Variants in BICD1 observed in about 807,000 individuals in gnomAD.
The protein encoded by BICD1 is BICD cargo adaptor 1.
Under a neutral mutation model 92.5 loss-of-function variants are expected in BICD1, and 35 were observed. That is an observed-to-expected ratio of 0.38 (90% CI 0.29 to 0.50). The LOEUF is 0.50. Among genes scored for constraint, BICD1 ranks in the 20% least tolerant of loss-of-function variants. The pLI, the probability that BICD1 is intolerant of heterozygous loss-of-function variation, is 0.93. For synonymous variants in BICD1, 429 were observed against 465.1 expected, an observed-to-expected ratio of 0.92 and a Z score of 1.00; for missense variants, 950 against 1,189.8, an observed-to-expected ratio of 0.80 and a Z score of 2.97.
intron 2 of BICD1, among the ~76,000 whole-genome samples, chr12:32,218,715 T>C (rs1565595216): frequency 6.6e-6 from 1 of 152,228 alleles, no homozygotes; most frequent in Admixed American, 6.5e-5. Flanking sequence ...TTTATTCAGA[T>C]TTGTCAGGTA....
chr12:32,235,042 A>G (rs1946022306), intron 2 of BICD1, among the ~76,000 whole-genome samples: 1 of 152,178 alleles, frequency 6.6e-6, no homozygotes, highest in South Asian at 2.1e-4. Context: ...ACAGTAGATT[A>G]TAGACATCTA....
chr12:32,216,550 A>C, intron 2 of BICD1, 91 bp downstream of exon 2: 9 of 1,392,754 alleles, frequency 6.5e-6, no homozygotes, highest in Non-Finnish European at 8.8e-6. Flanking sequence ...TTTTGTTTTA[A>C]TCAGAGGAGC....
chr12:32,124,217 C>T (rs1684121), intron 1 of BICD1, among the ~76,000 whole-genome samples: 43,787 of 152,058 alleles, frequency 0.29, 6,547 homozygotes, highest in Admixed American at 0.43. Flanking sequence ...TAGAGAGCAT[C>T]ATCTATATGC....
At chr12:32,298,686 C>CA (rs913352198) in intron 3 of BICD1, among the ~76,000 whole-genome samples, 4 of 149,524 alleles carry the variant, frequency 2.7e-5, no homozygotes, top group African/African-American at 9.9e-5. Context: ...GCCTGACCAA[C>CA]ATAGAGAAAC....
Position 32,337,490 on chromosome 12 carries a change from T to A in BICD1, c.2253-9T>A. On this transcript the variant is annotated splice_polypyrimidine_tract_variant and intron_variant, in intron 6 of 9. Transcript: ENST00000652176. This position sits in a 1 kb window ranked among gnomAD's most constrained non-coding sequence, Gnocchi z 4.7. ...TTTTCCTCTGACCACTTCTCTGTTT[T>A]GGTTCCAGATGTGATGAATATGTCA... 6.3e-7 allele frequency: 1 copy of A among 1,596,674 alleles called. No individual in the cohort carries two copies.
rs373328566 is a variant in BICD1, at chr12:32,211,747, A to T, written c.214-4500A>T. Among the ~76,000 whole-genome samples, 265 of 150,844 alleles carry T rather than the reference A, an allele frequency of 1.8e-3. 2 individuals carry two copies. Among genetic ancestry groups the T allele is most frequent in the African/African-American group, 5.8e-3 (240 of 41,064 alleles). On this transcript the variant is annotated intron_variant, in intron 1 of 9. Transcript: ENST00000652176. ...AGCTGGGGTTCTTGACACACAGTTC[A>T]TGCTAATTTTAAATTGTACTAATAC...
At chr12:32,319,409 T>C (rs1367963721) in intron 4 of BICD1, among the ~76,000 whole-genome samples, 1 of 152,222 alleles carries the variant, frequency 6.6e-6, no homozygotes, top group Non-Finnish European at 1.5e-5. Context: ...GACTCTTGAA[T>C]GTTAAATCAA....
chr12:32,280,828 A>G (rs1003665262), intron 2 of BICD1, among the ~76,000 whole-genome samples: 1 of 152,194 alleles, frequency 6.6e-6, no homozygotes, highest in African/African-American at 2.4e-5. Context: ...CATTATTTAA[A>G]TCTGATGTTC....
intron 1 of BICD1, among the ~76,000 whole-genome samples, chr12:32,162,727 A>C (rs898615747): frequency 6.6e-6 from 1 of 152,200 alleles, no homozygotes; most frequent in Non-Finnish European, 1.5e-5. Flanking sequence ...TCATGCCTGT[A>C]AACCCAGCAT....
chr12:32,238,757 T>C lies in BICD1; in HGVS notation c.426+22298T>C, dbSNP rs530467712. On this transcript the variant is annotated intron_variant, in intron 2 of 9. Transcript: ENST00000652176. The stretch of plus-strand genomic sequence containing the variant: ...GTCAGGAGTTTAAGACCAGCCTGGC[T>C]AACATGCTGAAACCCCATTTCTACT... Among the ~76,000 whole-genome samples, 4 of 149,392 alleles carry C rather than the reference T, an allele frequency of 2.7e-5. No individual in the cohort carries two copies. In the East Asian group the frequency reaches 8.1e-4, roughly 30 times the overall value.
chr12:32,177,745 A>ATATATTTATATATTTATATAAAAT (rs1217401732), intron 1 of BICD1, among the ~76,000 whole-genome samples: 2 of 140,414 alleles, frequency 1.4e-5, no homozygotes, highest in Non-Finnish European at 3.1e-5. Context: ...ATTTATATAA[A>ATATATTTATATATTTATATAAAAT]ATATATATAA....
At chr12:32,108,305 A>G (rs1144713) in intron 1 of BICD1, 117,299 of 195,220 alleles carry the variant, frequency 0.6, 35,585 homozygotes, top group Admixed American at 0.7. Flanking sequence ...ATATTTATAA[A>G]ACCAGAATAT....
At chr12:32,276,546 G>T (rs1472547725) in intron 2 of BICD1, among the ~76,000 whole-genome samples, 1 of 152,180 alleles carries the variant, frequency 6.6e-6, no homozygotes, top group Non-Finnish European at 1.5e-5. Flanking sequence ...GAGCACAGCG[G>T]GAGGGACAAG....
In BICD1 at chr12:32,267,570, A is replaced by G. The variant is rs1388837100; in HGVS notation, c.427-26424A>G. On this transcript the variant is annotated intron_variant, in intron 2 of 9. Transcript: ENST00000652176. ...TTTATTGTAAATGATGTTTGAATGA[A>G]CAGAAGTATGGAATTTTAATGTAGT... 2.6e-5 allele frequency among the ~76,000 whole-genome samples: 4 copies of G among 152,170 alleles called. No homozygotes were observed. In the East Asian group the frequency reaches 7.7e-4, roughly 29 times the overall value.
intron 1 of BICD1, among the ~76,000 whole-genome samples, chr12:32,143,639 A>G (rs560203704): frequency 1.3e-5 from 2 of 152,274 alleles, no homozygotes; most frequent in East Asian, 3.9e-4. Context: ...CACCTGTTGT[A>G]CATATAGCCT....
intron 1 of BICD1, among the ~76,000 whole-genome samples, chr12:32,212,329 G>A (rs1174978805): frequency 6.6e-6 from 1 of 152,156 alleles, no homozygotes; most frequent in Non-Finnish European, 1.5e-5. Context: ...CTGCCTTAAG[G>A]TTTATAACAA....
At chr12:32,374,221 A>G (rs912120964) in intron 9 of BICD1, among the ~76,000 whole-genome samples, 15 of 150,782 alleles carry the variant, frequency 9.9e-5, no homozygotes, top group Admixed American at 2.0e-4. Flanking sequence ...TCAAAAAAAA[A>G]AAGAAAAGAA....
At chr12:32,170,330 A>G (rs892795913) in intron 1 of BICD1, among the ~76,000 whole-genome samples, 1 of 152,150 alleles carries the variant, frequency 6.6e-6, no homozygotes, top group African/African-American at 2.4e-5. Flanking sequence ...GCCTCTTTGT[A>G]AGCTGCCTTA....
At chr12:32,162,969 AAGTGAGACTC>A (rs1943643215) in intron 1 of BICD1, among the ~76,000 whole-genome samples, 1 of 152,180 alleles carries the variant, frequency 6.6e-6, no homozygotes, top group Non-Finnish European at 1.5e-5. Context: ...CTGGGAGACA[AAGTGAGACTC>A]TGTCTTAAAA....
Sources: allele counts gnomAD v4.1 joint callset (sites outside exome capture counted in the v4.1 genomes callset), GRCh38; gene constraint gnomAD v4.1.1; non-coding constraint Gnocchi (gnomAD v3.1); transcripts MANE v1.5; gene names NCBI Gene and HGNC (gene_info 2026-07-23, HGNC 2026-07-21).